Variants in NFATC3 observed in about 807,000 individuals in gnomAD.
NFATC3 encodes nuclear factor of activated T-cells, cytoplasmic 3.
In NFATC3, 46 loss-of-function variants were observed where a neutral mutation model predicts 98.6. That is an observed-to-expected ratio of 0.47 (90% CI 0.37 to 0.60). The LOEUF (loss-of-function observed/expected upper bound fraction) is 0.60. Ranked by LOEUF, NFATC3 falls within the 20% of genes least tolerant of loss-of-function variation. The pLI, the probability that NFATC3 is intolerant of heterozygous loss-of-function variation, is 0.00. For synonymous variants in NFATC3, 512 were observed against 472.2 expected (o/e 1.08, Z -1.09); for missense variants, 1,256 against 1,295.5 (o/e 0.97, Z 0.47).
chr16:68,160,093 G>A (rs868224386), intron 4 of NFATC3, among the ~76,000 whole-genome samples: 18 of 152,094 alleles, frequency 1.2e-4, no homozygotes, highest in African/African-American at 3.9e-4. Flanking sequence ...CAAAAAATCA[G>A]ATTTCAGTCT....
At chr16:68,190,597 A>G (rs2040393141) in intron 8 of NFATC3, among the ~76,000 whole-genome samples, 171 bp from the exon 9 acceptor site, 1 of 152,218 alleles carries the variant, frequency 6.6e-6, no homozygotes, top group Non-Finnish European at 1.5e-5. Flanking sequence ...ATACATATAT[A>G]TATGTCTACA....
rs2040412371 is a variant in NFATC3 at position 68,191,447 on chromosome 16, T to A, written c.2778T>A (p.Ala926=). ...GPSHSGSATT[A]SPAASHPLAS... ...CACATTCAGGGTCTGCTACAACAGC[T>A]TCCCCAGCAGCTTCTCATCCCTTGG... Residue 926 remains alanine (A), a synonymous_variant, in exon 9 of 10, where the codon GCT becomes GCA. Transcript: ENST00000346183. 1 of 1,614,144 alleles carries A rather than the reference T, an allele frequency of 6.2e-7. No homozygotes were observed. Among genetic ancestry groups the A allele is most frequent in the African/African-American group, 1.3e-5 (1 of 75,036 alleles).
At chr16:68,203,960 G>A (rs1252229213) in intron 9 of NFATC3, among the ~76,000 whole-genome samples, 6 of 152,156 alleles carry the variant, frequency 3.9e-5, no homozygotes, top group Admixed American at 2.0e-4. Context: ...GGTCGAGGCA[G>A]GCGGATCACT....
At chr16:68,195,558 C>A (rs998187328) in intron 9 of NFATC3, among the ~76,000 whole-genome samples, 2 of 152,132 alleles carry the variant, frequency 1.3e-5, no homozygotes, top group Admixed American at 1.3e-4. Flanking sequence ...CCTGTAATCC[C>A]AGCACTTTGG....
rs1436326559 is a variant in NFATC3, at chr16:68,157,919, A to G, written c.1452A>G (p.Thr484=). 1.2e-6 allele frequency: 2 copies of G among 1,613,828 alleles called. No homozygotes were observed. Among genetic ancestry groups the G allele is most frequent in the East Asian group, 4.5e-5 (2 of 44,856 alleles). ...TAAATCTACAAATGTTTATTGGGACAGCAGATGATCGATATTTACGACCTC... is the reference window on the plus strand; with the variant it reads ...TAAATCTACAAATGTTTATTGGGACGGCAGATGATCGATATTTACGACCTC... ...KPINLQMFIG[T]ADDRYLRPHA... is the part of the protein sequence containing the mutation. The change falls in exon 4 of 10, where the codon ACA becomes ACG. Residue 484 remains threonine (T), a synonymous_variant. Transcript: ENST00000346183.
At chr16:68,111,803 T>G (rs976015552) in intron 1 of NFATC3, among the ~76,000 whole-genome samples, 1 of 152,238 alleles carries the variant, frequency 6.6e-6, no homozygotes, top group Non-Finnish European at 1.5e-5. Context: ...CAGGAATTCT[T>G]GTAAAGCAGA....
At chr16:68,118,393 A>G (rs2036401554) in intron 1 of NFATC3, among the ~76,000 whole-genome samples, 1 of 152,160 alleles carries the variant, frequency 6.6e-6, no homozygotes, top group Non-Finnish European at 1.5e-5. Context: ...TTATGTACCT[A>G]CCATCTATAA....
At chr16:68,222,198 C>CAGG (rs973654568) in intron 9 of NFATC3, among the ~76,000 whole-genome samples, 5 of 141,830 alleles carry the variant, frequency 3.5e-5, no homozygotes, top group African/African-American at 1.1e-4. Context: ...CCCAGCTACT[C>CAGG]AGGAGGCTTA....
chr16:68,096,604 G>C (rs1298682166), intron 1 of NFATC3, among the ~76,000 whole-genome samples: 1 of 152,162 alleles, frequency 6.6e-6, no homozygotes, highest in East Asian at 1.9e-4. Flanking sequence ...ATATAACAGA[G>C]GTACGGAGAA....
chr16:68,150,680 A>G (rs2038272442), intron 3 of NFATC3, among the ~76,000 whole-genome samples: 1 of 152,192 alleles, frequency 6.6e-6, no homozygotes, highest in Admixed American at 6.5e-5. Flanking sequence ...AAACTAAATT[A>G]TAGTTGATGT....
intron 9 of NFATC3, among the ~76,000 whole-genome samples, chr16:68,213,460 TA>T (rs112296432): frequency 0.014 from 2,124 of 147,356 alleles, 42 homozygotes; most frequent in African/African-American, 0.048. Flanking sequence ...AAATAAAAAT[TA>T]AAAAAAAAAT....
At chr16:68,104,759 A>C (rs1456017684) in intron 1 of NFATC3, among the ~76,000 whole-genome samples, 5 of 148,300 alleles carry the variant, frequency 3.4e-5, no homozygotes. Flanking sequence ...TCATCACGCC[A>C]TTCTCCTGCC....
At chr16:68,114,661 G>A (rs1746156005) in intron 1 of NFATC3, among the ~76,000 whole-genome samples, 2 of 149,256 alleles carry the variant, frequency 1.3e-5, no homozygotes, top group Admixed American at 1.4e-4. Flanking sequence ...TGCAACCTCC[G>A]ACTCCCTGGT....
intron 1 of NFATC3, among the ~76,000 whole-genome samples, chr16:68,112,643 T>C (rs191062378): frequency 6.7e-6 from 1 of 148,338 alleles, no homozygotes; most frequent in African/African-American, 2.5e-5. Flanking sequence ...TTTTTTCTTT[T>C]TCGTTTTTTT....
intron 6 of NFATC3, among the ~76,000 whole-genome samples, chr16:68,180,611 G>T (rs948255042): frequency 1.3e-5 from 2 of 151,922 alleles, no homozygotes; most frequent in Admixed American, 1.3e-4. Context: ...TTAACTTGTC[G>T]TTTACATTAG....
intron 9 of NFATC3, among the ~76,000 whole-genome samples, chr16:68,195,801 C>T (rs2040643557): frequency 6.6e-6 from 1 of 152,058 alleles, no homozygotes; most frequent in Non-Finnish European, 1.5e-5. Flanking sequence ...GTGCAAGACT[C>T]CGTCTCAAAA....
intron 9 of NFATC3, among the ~76,000 whole-genome samples, chr16:68,199,222 TTTTA>T (rs1001466629): frequency 6.6e-6 from 1 of 150,514 alleles, no homozygotes; most frequent in Admixed American, 6.6e-5. Context: ...TTTATTTTTT[TTTTA>T]TTTTTTATTT....
chr16:68,165,478 C>A (rs1390980364), intron 4 of NFATC3, among the ~76,000 whole-genome samples: 1 of 149,242 alleles, frequency 6.7e-6, no homozygotes, highest in African/African-American at 2.5e-5. Context: ...CTCATTGCAA[C>A]CTCTGCCTCC....
At chr16:68,209,023 GT>G (rs2041264889) in intron 9 of NFATC3, among the ~76,000 whole-genome samples, 1 of 152,184 alleles carries the variant, frequency 6.6e-6, no homozygotes, top group Admixed American at 6.5e-5. Context: ...ACTTCTAGTG[GT>G]AGGCTAGTAG....
Sources: allele counts gnomAD v4.1 joint callset (sites outside exome capture counted in the v4.1 genomes callset), GRCh38; gene constraint gnomAD v4.1.1; transcripts MANE v1.5; gene names NCBI Gene and HGNC (gene_info 2026-07-23, HGNC 2026-07-21).